Variants in ZNF266 observed in about 807,000 individuals in gnomAD.
The protein encoded by ZNF266 is zinc finger protein 1.
Under a neutral mutation model 16.4 loss-of-function variants are expected in ZNF266, and 16 were observed. That is an observed-to-expected ratio of 0.98 (90% CI 0.66 to 1.48). The LOEUF is 1.48. Among genes scored for constraint, ZNF266 ranks in the 40% most tolerant of loss-of-function variants. ZNF266 has a pLI of 0.00. For missense variants in ZNF266, 738 were observed against 689.1 expected, an observed-to-expected ratio of 1.07 and a Z score of -0.79; for synonymous variants, 262 against 237.9, an observed-to-expected ratio of 1.10 and a Z score of -0.93.
chr19:9,434,702 T>C (rs1450912920), intron 3 of ZNF266, 96 bp downstream of exon 3: 1 of 152,168 alleles, frequency 6.6e-6, no homozygotes, highest in African/African-American at 2.4e-5. Context: ...TCTGGGGTAA[T>C]AGTATTATGG....
intron 5 of ZNF266, among the ~76,000 whole-genome samples, chr19:9,431,166 G>A (rs561815625): frequency 3.9e-5 from 6 of 152,288 alleles, no homozygotes; most frequent in African/African-American, 1.4e-4. Context: ...AAAAGGGAGC[G>A]TTGCCTGCTG....
intron 8 of ZNF266, 82 bp downstream of exon 8, chr19:9,418,423 T>C: frequency 7.1e-7 from 1 of 1,413,562 alleles, no homozygotes; most frequent in Non-Finnish European, 1.0e-6. Context: ...GTGTTCAGAG[T>C]TGCTATCTCT....
chr19:9,414,616 C>T lies in ZNF266; in HGVS notation c.510G>A (p.Glu170=), dbSNP rs145618001. Residue 170 remains glutamate, a synonymous_variant, in exon 11 of 11, where the codon GAG becomes GAA. Coordinates refer to ENST00000592904, the MANE Select transcript of ZNF266 (RefSeq NM_001370374.1). ...CATACAGATAACACTCAAATGTGTT[C>T]TCACTATTTTGAGTTCTCACATGTG... ...LKTHVRTQNS[E]NTFECYLYGV... 8 of 1,611,546 alleles carry T rather than the reference C, an allele frequency of 5.0e-6. No homozygotes were observed. Among genetic ancestry groups the T allele is most frequent in the Non-Finnish European group, 6.8e-6 (8 of 1,177,798 alleles).
At chr19:9,429,250 A>C (rs958893161) in intron 5 of ZNF266, among the ~76,000 whole-genome samples, 4 of 152,038 alleles carry the variant, frequency 2.6e-5, no homozygotes, top group Non-Finnish European at 2.9e-5. Flanking sequence ...CCCCCATCCC[A>C]CAAACACTGA....
rs753839837 is a variant in ZNF266 at position 9,418,646 on chromosome 19, A to ACAG, written c.109-16_109-15insCTG. 6.4e-6 allele frequency: 8 copies of ACAG among 1,243,624 alleles called. No individual in the cohort carries two copies. The East Asian group carries it at 9.3e-5, about 14-fold the overall frequency. 77.0% of individuals were successfully genotyped at this position (1,243,624 alleles called of 1,614,324 possible). A position where few individuals can be genotyped will look rare whatever the true frequency, so the allele number is the denominator to read the frequency against. On this transcript the variant is annotated splice_polypyrimidine_tract_variant and intron_variant, in intron 7 of 10. Coordinates refer to ENST00000592904, the MANE Select transcript of ZNF266 (RefSeq NM_001370374.1). ...GTCACTGAATCCTAAACCATCACAC[A>ACAG]CATGCTGGCTTGAGCCACAAAACAT...
In ZNF266 at chr19:9,414,042, G is replaced by A. The variant is rs770277417; in HGVS notation, c.1084C>T (p.Pro362Ser). Residue 362 changes from proline (P) to serine (S), a missense_variant, in exon 11 of 11, where the codon CCT becomes TCT. Coordinates refer to ENST00000592904, the MANE Select transcript of ZNF266 (RefSeq NM_001370374.1). ...QHMKIHVGEK[P>S]YECKECGIAF... ...ATCCCACATTCCTTGCATTCATAAG[G>A]CTTCTCACCCACATGGATTTTCATA... The A allele has an allele frequency of 1.2e-6, 2 of 1,614,072 alleles. No homozygotes were observed. The highest frequency in any genetic ancestry group is 1.7e-6 in the Non-Finnish European group (2 of 1,180,010).
At chr19:9,423,952 G>C (rs547028614) in intron 5 of ZNF266, among the ~76,000 whole-genome samples, 21 of 152,290 alleles carry the variant, frequency 1.4e-4, no homozygotes, top group African/African-American at 5.1e-4. Flanking sequence ...AGCCGAGATT[G>C]TGCCACTGCA....
chr19:9,427,818 C>T (rs1301104269), intron 5 of ZNF266, among the ~76,000 whole-genome samples: 1 of 152,152 alleles, frequency 6.6e-6, no homozygotes, highest in African/African-American at 2.4e-5. Context: ...CCGATAACAG[C>T]CTTCCCCAAG....
At chr19:9,431,822 A>G (rs1318837866) in intron 5 of ZNF266, among the ~76,000 whole-genome samples, 2 of 152,218 alleles carry the variant, frequency 1.3e-5, no homozygotes, top group East Asian at 3.9e-4. Context: ...AGAGATCCCC[A>G]CCTGCTGGCA....
In ZNF266 at chr19:9,414,382, T is replaced by C. The variant is rs1162506947; in HGVS notation, c.744A>G (p.Glu248=). The C allele has an allele frequency of 2.5e-6, 4 of 1,614,214 alleles. No individual in the cohort carries two copies. The highest frequency in any genetic ancestry group is 3.4e-6 in the Non-Finnish European group (4 of 1,180,032). ...CACATTCCTTCCATTCATGGAGACT[T>C]TCTCCATTGTGAGTTCTTAAATGTC... The part of the protein sequence containing the change: ...LQGHLRTHNG[E]SLHEWKECGR... The change falls in exon 11 of 11, where the codon GAA becomes GAG. Residue 248 remains glutamate (E), a synonymous_variant. Coordinates refer to ENST00000592904, the MANE Select transcript of ZNF266 (RefSeq NM_001370374.1).
chr19:9,428,362 C>T (rs563987807), intron 5 of ZNF266, among the ~76,000 whole-genome samples: 20 of 152,356 alleles, frequency 1.3e-4, no homozygotes, highest in Non-Finnish European at 2.6e-4. Context: ...CCCCTGTTCT[C>T]AGTCCCTTGC....
intron 7 of ZNF266, 70 bp from the exon 8 acceptor site, chr19:9,418,701 A>C (rs1490707281): frequency 2.6e-6 from 2 of 775,730 alleles, no homozygotes; most frequent in Non-Finnish European, 4.5e-6. Flanking sequence ...AAAATGCAAT[A>C]CCTACAGAGT....
chr19:9,426,417 T>C (rs2070752427), intron 5 of ZNF266, among the ~76,000 whole-genome samples: 1 of 151,798 alleles, frequency 6.6e-6, no homozygotes, highest in East Asian at 1.9e-4. Flanking sequence ...CTGGGCGCCT[T>C]ACCCCTCCTT....
intron 5 of ZNF266, among the ~76,000 whole-genome samples, chr19:9,430,029 A>G (rs2071362434): frequency 8.5e-6 from 1 of 117,272 alleles, no homozygotes; most frequent in African/African-American, 3.3e-5. Flanking sequence ...GTAGCCTAAG[A>G]GAGAATACTA....
Position 9,415,728 on chromosome 19 carries a change from C to T in ZNF266, c.331G>A (p.Val111Met), listed in dbSNP as rs2068878261. The stretch of plus-strand genomic sequence containing the variant: ...GCTAACTCTTTGGTTTTAAGTTGCA[C>T]TTTCCATTCTGAAGCTGAAGAGAAA... ...RGDFQASEWK[V>M]QLKTKELALQ... Residue 111 changes from valine (V) to methionine (M), a missense_variant, in exon 10 of 11, where the codon GTG becomes ATG. Transcript: ENST00000592904. The T allele has an allele frequency of 6.2e-7, 1 of 1,612,736 alleles. No homozygotes were observed. Among genetic ancestry groups the T allele is most frequent in the South Asian group, 1.1e-5 (1 of 91,076 alleles).
intron 5 of ZNF266, among the ~76,000 whole-genome samples, chr19:9,420,917 T>G (rs571768779): frequency 5.9e-5 from 9 of 152,306 alleles, no homozygotes; most frequent in African/African-American, 2.2e-4. Flanking sequence ...CTTTCCCACA[T>G]GACCAGCGTT....
chr19:9,418,627 G>A lies in ZNF266; in HGVS notation c.113C>T (p.Ser38Leu), dbSNP rs77970409. The A allele has an allele frequency of 5.3e-5, 76 of 1,421,722 alleles. No homozygotes were observed. The East Asian group carries it at 1.3e-3, about 24-fold the overall frequency. 88.1% of individuals were successfully genotyped at this position (1,421,722 alleles called of 1,614,324 possible). ...CACAGCCAGATCATCAAAAGTCACT[G>A]AATCCTAAACCATCACACACATGCT... ...ADCLTNCYQDSVTFDDLAVDF... is the reference protein window; with the variant it reads ...ADCLTNCYQDLVTFDDLAVDF... Residue 38 changes from serine to leucine, a missense_variant, in exon 8 of 11, where the codon TCA becomes TTA. Ser to Leu is a moderately radical substitution (Grantham distance 145). Coordinates refer to ENST00000592904, the MANE Select transcript of ZNF266 (RefSeq NM_001370374.1).
chr19:9,414,248 T>C lies in ZNF266; in HGVS notation c.878A>G (p.Tyr293Cys), dbSNP rs2068650065. The C allele has an allele frequency of 6.2e-7, 1 of 1,614,216 alleles. No homozygotes were observed. Among genetic ancestry groups the C allele is most frequent in the African/African-American group, 1.3e-5 (1 of 75,058 alleles). Residue 293 changes from tyrosine (Y) to cysteine (C), a missense_variant, in exon 11 of 11, where the codon TAC becomes TGC. Physicochemically the swap from Tyr to Cys is radical, Grantham distance 194. Transcript: ENST00000592904. ...GTGGGTTCCCATGTGAATATTAAGG[T>C]ATGCAGAATATCTAAATCCTTTTCC... ...ECGKGFRYSA[Y>C]LNIHMGTHTG...
In ZNF266 at chr19:9,413,888, T is replaced by A; in HGVS notation, c.1238A>T (p.His413Leu). The change falls in exon 11 of 11, where the codon CAC becomes CTC. Residue 413 changes from histidine to leucine, a missense_variant. Coordinates refer to ENST00000592904, the MANE Select transcript of ZNF266 (RefSeq NM_001370374.1). ...SSCLSDHFRI[H>L]TGIKPYKCKD... ...ACATTTATAGGGTTTTATTCCAGTG[T>A]GAATTCGAAAGTGATCACTGAGGCA... 1 of 1,614,218 alleles carries A rather than the reference T, an allele frequency of 6.2e-7. No individual in the cohort carries two copies. Among genetic ancestry groups the A allele is most frequent in the Non-Finnish European group, 8.5e-7 (1 of 1,180,042 alleles).
Sources: allele counts gnomAD v4.1 joint callset (sites outside exome capture counted in the v4.1 genomes callset), GRCh38; gene constraint gnomAD v4.1.1; transcripts MANE v1.5; gene names NCBI Gene and HGNC (gene_info 2026-07-23, HGNC 2026-07-21).